IL1RAPL2: variants seen among roughly 807,000 people sequenced by gnomAD.
IL1RAPL2 encodes the protein interleukin 1 receptor accessory protein like 2.
IL1RAPL2 carries 3 observed loss-of-function variants against 44.1 expected under a neutral mutation model. The observed-to-expected ratio is 0.07, with a 90% CI of 0.03 to 0.18. The LOEUF (loss-of-function observed/expected upper bound fraction) is 0.18, where lower values mean the gene tolerates loss of function less well. Ranked by LOEUF, IL1RAPL2 falls within the 10% of genes least tolerant of loss-of-function variation. IL1RAPL2 has a pLI of 1.00. For synonymous variants in IL1RAPL2, 181 were observed against 178.8 expected, an observed-to-expected ratio of 1.01 and a Z score of -0.10; for missense variants, 391 against 496.4, an observed-to-expected ratio of 0.79 and a Z score of 2.02.
chrX:104,945,141 C>T (rs1002433327), intron 2 of IL1RAPL2, among the ~76,000 whole-genome samples: 2 of 111,040 alleles, frequency 1.8e-5, no homozygotes, highest in African/African-American at 6.5e-5. Context: ...TTAGTGGGTG[C>T]TTAATAAATG....
At chrX:105,447,122 TATAAATATATATATGA>T (rs2035964893) in intron 5 of IL1RAPL2, among the ~76,000 whole-genome samples, 9 of 57,293 alleles carry the variant, frequency 1.6e-4, no homozygotes, top group African/African-American at 5.0e-4. Flanking sequence ...TATATATAAA[TATAAATATATATATGA>T]ATATAAATAT....
At chrX:105,660,635 A>G (rs1272424867) in intron 6 of IL1RAPL2, among the ~76,000 whole-genome samples, 1 of 111,690 alleles carries the variant, frequency 9.0e-6, no homozygotes, top group African/African-American at 3.2e-5. Context: ...GCAGAGGGAC[A>G]CAGTTAAAGT....
chrX:105,215,625 C>T (rs1603013081), intron 3 of IL1RAPL2, among the ~76,000 whole-genome samples: 1 of 111,751 alleles, frequency 8.9e-6, no homozygotes, highest in Non-Finnish European at 1.9e-5. Context: ...GCAGCATCAT[C>T]CTGATACCAA....
chrX:104,664,076 T>A (rs1200126614), intron 2 of IL1RAPL2, among the ~76,000 whole-genome samples: 2 of 110,905 alleles, frequency 1.8e-5, no homozygotes, highest in African/African-American at 6.6e-5. Flanking sequence ...GGAGTGTAGG[T>A]CCTGTTCTCT....
chrX:105,540,862 G>GTATATATTATATATC (rs2036722036), intron 6 of IL1RAPL2, among the ~76,000 whole-genome samples: 21 of 22,418 alleles, frequency 9.4e-4, no homozygotes, highest in African/African-American at 4.3e-3. Context: ...TATTATATAT[G>GTATATATTATATATC]ATATATAATA....
chrX:104,829,693 G>A (rs1490344551), intron 2 of IL1RAPL2, among the ~76,000 whole-genome samples: 5 of 112,308 alleles, frequency 4.5e-5, no homozygotes, highest in South Asian at 7.3e-4. Context: ...ATAACACGAC[G>A]CGACGTTTTA....
chrX:105,729,860 CGAAGGAAGGAAGGAAAGAAGGAAGGAAG>C (rs2038386349), intron 7 of IL1RAPL2, among the ~76,000 whole-genome samples: 4 of 52,654 alleles, frequency 7.6e-5, no homozygotes, highest in African/African-American at 3.0e-4. Flanking sequence ...AAGCAAGAGA[CGAAGGAAGGAAGGAAAGAAGGAAGGAAG>C]GAAGGAAGGA....
intron 6 of IL1RAPL2, among the ~76,000 whole-genome samples, chrX:105,671,338 C>T (rs2037823060): frequency 8.9e-6 from 1 of 112,294 alleles, no homozygotes; most frequent in Non-Finnish European, 1.9e-5. Context: ...TATCCTGAAA[C>T]ATTGCTAAAC....
At chrX:105,481,293 T>C (rs1226489471) in intron 5 of IL1RAPL2, among the ~76,000 whole-genome samples, 1 of 112,443 alleles carries the variant, frequency 8.9e-6, no homozygotes, top group Non-Finnish European at 1.9e-5. Context: ...ACTTCATATC[T>C]AAATTGGCCA....
chrX:105,269,880 A>G (rs1306964616), intron 5 of IL1RAPL2, among the ~76,000 whole-genome samples: 1 of 112,034 alleles, frequency 8.9e-6, no homozygotes, highest in South Asian at 3.7e-4. Context: ...ACTCACATCA[A>G]ATGGGTTCTG....
intron 1 of IL1RAPL2, among the ~76,000 whole-genome samples, chrX:104,642,520 T>C (rs765723778): frequency 2.3e-4 from 26 of 111,349 alleles, no homozygotes; most frequent in African/African-American, 8.5e-4. Flanking sequence ...GTTTTACTCT[T>C]GTTGCCCAGG....
intron 2 of IL1RAPL2, among the ~76,000 whole-genome samples, chrX:104,676,021 T>G (rs1434571139): frequency 9.3e-6 from 1 of 107,549 alleles, no homozygotes; most frequent in Non-Finnish European, 1.9e-5. Context: ...TTTCCTGAAT[T>G]CAGCACACTG....
chrX:105,340,853 T>G (rs2035064769), intron 5 of IL1RAPL2, among the ~76,000 whole-genome samples: 1 of 112,417 alleles, frequency 8.9e-6, no homozygotes, highest in African/African-American at 3.2e-5. Context: ...TGCTTATTAA[T>G]TTTGCTTACT....
intron 6 of IL1RAPL2, among the ~76,000 whole-genome samples, chrX:105,597,721 CTG>C (rs1390444283): frequency 9.0e-6 from 1 of 111,538 alleles, no homozygotes; most frequent in Non-Finnish European, 1.9e-5. Flanking sequence ...ACCTCCAACA[CTG>C]GGGATTACAG....
chrX:105,597,958 A>G (rs906508553), intron 6 of IL1RAPL2, among the ~76,000 whole-genome samples: 4 of 111,561 alleles, frequency 3.6e-5, no homozygotes, highest in African/African-American at 1.3e-4. Context: ...TCTTCTGGGT[A>G]TACACCTGAG....
intron 2 of IL1RAPL2, among the ~76,000 whole-genome samples, chrX:104,828,025 C>T (rs979123258): frequency 2.7e-5 from 3 of 111,821 alleles, no homozygotes; most frequent in Non-Finnish European, 3.8e-5. Flanking sequence ...AGCAATTCCT[C>T]TAACCTTTTT....
chrX:104,869,987 A>T (rs1039447598), intron 2 of IL1RAPL2, among the ~76,000 whole-genome samples: 2 of 111,855 alleles, frequency 1.8e-5, no homozygotes, highest in African/African-American at 6.5e-5. Flanking sequence ...ATTCCAAAAG[A>T]TCTCTTATAT....
At chrX:104,632,840 C>T (rs983622775) in intron 1 of IL1RAPL2, among the ~76,000 whole-genome samples, 1 of 109,946 alleles carries the variant, frequency 9.1e-6, no homozygotes, top group African/African-American at 3.3e-5. Flanking sequence ...ATTTCCTTCT[C>T]CTGCCTGATT....
intron 6 of IL1RAPL2, among the ~76,000 whole-genome samples, chrX:105,636,656 A>G (rs2021828): frequency 0.051 from 5,651 of 111,407 alleles, 382 homozygotes; most frequent in African/African-American, 0.18. Flanking sequence ...TAAAGGACAG[A>G]GTTCACATCC....
Sources: allele counts gnomAD v4.1 joint callset (sites outside exome capture counted in the v4.1 genomes callset), GRCh38; gene constraint gnomAD v4.1.1; transcripts MANE v1.5; gene names NCBI Gene and HGNC (gene_info 2026-07-23, HGNC 2026-07-21).